Variants in AGPAT4 observed in about 807,000 individuals in gnomAD.
The protein encoded by AGPAT4 is 1-acyl-sn-glycerol-3-phosphate acyltransferase delta.
Under a neutral mutation model 48.0 loss-of-function variants are expected in AGPAT4, and 15 were observed. The ratio of observed to expected loss-of-function variants is 0.31; its 90% confidence interval spans 0.21 to 0.48. AGPAT4 has a LOEUF of 0.48. AGPAT4 is among the 20% of genes least tolerant of loss of function. The pLI is 0.99. For missense variants in AGPAT4, 314 were observed against 482.5 expected, an observed-to-expected ratio of 0.65 and a Z score of 3.27; for synonymous variants, 178 against 198.7, an observed-to-expected ratio of 0.90 and a Z score of 0.88.
rs112346731 is a variant in AGPAT4, at chr6:161,204,678, C to T, written c.178+27358G>A. Among the ~76,000 whole-genome samples the T allele has an allele frequency of 7.1e-4, 108 of 152,032 alleles. No homozygotes were observed. Among genetic ancestry groups the T allele is most frequent in the African/African-American group, 2.4e-3 (101 of 41,482 alleles). ...ATGTATGGTTGTTTGTCATCAGCAG[C>T]TGTTAAAAAAAAATGTTCCCTAAAT... On this transcript the variant is annotated intron_variant, in intron 2 of 8. Transcript: ENST00000320285. The surrounding 1 kb of genome is among the most constrained non-coding windows in gnomAD (Gnocchi z 4.4).
At position 161,159,551 on chromosome 6, in the gene AGPAT4, T is replaced by C. The variant is rs966422450; in HGVS notation, c.349-5241A>G. Among the ~76,000 whole-genome samples the C allele has an allele frequency of 1.3e-5, 2 of 152,324 alleles. No individual in the cohort carries two copies. Among genetic ancestry groups the C allele is most frequent in the South Asian group, 4.1e-4 (2 of 4,824 alleles). ...AATCTCTGAAATCTGTCCCTAGTTA[T>C]AGCAAAATGCAGAAAAGACTGGAGC... is the stretch of plus-strand genomic sequence containing the variant. On this transcript the variant is annotated intron_variant, in intron 3 of 8. Transcript: ENST00000320285. This position sits in a 1 kb window ranked among gnomAD's most constrained non-coding sequence, Gnocchi z 4.1.
rs936722523 is a variant in AGPAT4 at position 161,246,958 on chromosome 6, A to G, written c.-89-14656T>C. Among the ~76,000 whole-genome samples the G allele has an allele frequency of 1.3e-5, 2 of 152,266 alleles. No individual in the cohort carries two copies. Among genetic ancestry groups the G allele is most frequent in the Non-Finnish European group, 2.9e-5 (2 of 68,048 alleles). On this transcript the variant is annotated intron_variant, in intron 1 of 8. Transcript: ENST00000320285. This position sits in a 1 kb window ranked among gnomAD's most constrained non-coding sequence, Gnocchi z 5.5. The stretch of plus-strand genomic sequence containing the variant: ...CCCATTAACATTAAACACAGGGCAG[A>G]TGACACACCAAGTTATTCTCCCTGC...
intron 2 of AGPAT4, among the ~76,000 whole-genome samples, chr6:161,199,088 G>C (rs1186373558): frequency 3.3e-5 from 5 of 149,966 alleles, no homozygotes; most frequent in African/African-American, 1.2e-4. Flanking sequence ...TTCTAGTTTG[G>C]TAATTATAGA....
In AGPAT4 at chr6:161,220,621, G is replaced by A. The variant is rs906943446; in HGVS notation, c.178+11415C>T. ...AAGACAGAACCGAATATTGCAAAAT[G>A]GGTAGGCAATGCCCCCACCTGATTT... On this transcript the variant is annotated intron_variant, in intron 2 of 8. Transcript: ENST00000320285. The surrounding 1 kb of genome is among the most constrained non-coding windows in gnomAD (Gnocchi z 6.0). Among the ~76,000 whole-genome samples, 4 of 152,148 alleles carry A rather than the reference G, an allele frequency of 2.6e-5. No individual in the cohort carries two copies. The highest frequency in any genetic ancestry group is 9.7e-5 in the African/African-American group (4 of 41,442).
Position 161,130,961 on chromosome 6 carries a change from A to G in AGPAT4, c.*5579T>C, listed in dbSNP as rs1309956336. ...GTTTGGCAAAGATCTGGCTAAAACT[A>G]GTACTATGGAATAGAAAAGGAAAAG... On this transcript the variant is annotated 3_prime_UTR_variant, in exon 9 of 9. Transcript: ENST00000320285. The G allele has an allele frequency of 2.0e-6, 1 of 511,042 alleles. No individual in the cohort carries two copies. The allele number at this position is 511,042 out of a possible 1,614,324, so 31.7% of individuals were successfully genotyped here.
rs375079249 is a variant in AGPAT4, at chr6:161,205,562, G to A, written c.178+26474C>T. Among the ~76,000 whole-genome samples the A allele has an allele frequency of 2.6e-5, 4 of 152,170 alleles. No individual in the cohort carries two copies. In the South Asian group the frequency reaches 8.3e-4, roughly 32 times the overall value. On this transcript the variant is annotated intron_variant, in intron 2 of 8. Transcript: ENST00000320285. The stretch of plus-strand genomic sequence containing the variant: ...ATCCACTTACTTGGTTTCTACTCAG[G>A]ATGTCACCAATTACCATGGAACATC...
intron 5 of AGPAT4, among the ~76,000 whole-genome samples, chr6:161,150,994 CG>C (rs1444248600): frequency 6.6e-6 from 1 of 152,190 alleles, no homozygotes; most frequent in Non-Finnish European, 1.5e-5. Flanking sequence ...GGAGAACCCA[CG>C]GGTTCCCCAA....
chr6:161,175,129 C>T (rs1780392825), intron 2 of AGPAT4, among the ~76,000 whole-genome samples: 1 of 152,130 alleles, frequency 6.6e-6, no homozygotes, highest in Non-Finnish European at 1.5e-5. Context: ...TGTGTCTCTG[C>T]CAGGCTTTGG....
intron 3 of AGPAT4, among the ~76,000 whole-genome samples, chr6:161,163,795 C>T (rs1235023687): frequency 1.3e-5 from 2 of 152,156 alleles, no homozygotes; most frequent in African/African-American, 4.8e-5. Context: ...AACCCAAGGC[C>T]CCCACTGAGC....
At chr6:161,256,515 C>A (rs766179305) in intron 1 of AGPAT4, among the ~76,000 whole-genome samples, 6 of 152,228 alleles carry the variant, frequency 3.9e-5, no homozygotes, top group Non-Finnish European at 8.8e-5. Context: ...GCTGTGTTCA[C>A]ATGAAATGTG....
rs75228520 is a variant in AGPAT4 at position 161,219,876 on chromosome 6, C to T, written c.178+12160G>A. Among the ~76,000 whole-genome samples the T allele has an allele frequency of 0.23, 16,334 of 70,058 alleles. 1,376 individuals are homozygous for T. Among genetic ancestry groups the T allele is most frequent in the African/African-American group, 0.29 (5,560 of 19,414 alleles). The allele number at this position is 70,058 out of a possible 152,430, so 46.0% of individuals were successfully genotyped here. A position where few individuals can be genotyped will look rare whatever the true frequency, so the allele number is the denominator to read the frequency against. The stretch of plus-strand genomic sequence containing the variant: ...ATAGATAGATAGATAGATAGATAGG[C>T]AGGCAGGCAGGCAGGCAGGCAGGCA... On this transcript the variant is annotated intron_variant, in intron 2 of 8. Transcript: ENST00000320285. The surrounding 1 kb of genome is among the most constrained non-coding windows in gnomAD (Gnocchi z 4.9).
intron 3 of AGPAT4, among the ~76,000 whole-genome samples, chr6:161,157,896 G>A (rs2114970478): frequency 6.6e-6 from 1 of 152,250 alleles, no homozygotes; most frequent in South Asian, 2.1e-4. Context: ...CAATCCTTCT[G>A]AGCTTCTGTT....
chr6:161,163,404 T>C (rs539173209), intron 3 of AGPAT4, among the ~76,000 whole-genome samples: 2 of 152,316 alleles, frequency 1.3e-5, no homozygotes, highest in Admixed American at 1.3e-4. Context: ...GGTTGTTTTT[T>C]TTTTCTGAAG....
rs1201484587 is a variant in AGPAT4, at chr6:161,217,957, C to A, written c.178+14079G>T. On this transcript the variant is annotated intron_variant, in intron 2 of 8. Coordinates refer to ENST00000320285, the MANE Select transcript of AGPAT4 (RefSeq NM_020133.3). The surrounding 1 kb of genome is among the most constrained non-coding windows in gnomAD (Gnocchi z 4.9). Reference sequence around the variant, plus strand: ...ACTGGGTTGAAGGACAAGGTCTCTTCCTCATCTCCCAACTCACCTTGTAGC... The same window carrying A: ...ACTGGGTTGAAGGACAAGGTCTCTTACTCATCTCCCAACTCACCTTGTAGC... Among the ~76,000 whole-genome samples, 2 of 152,364 alleles carry A rather than the reference C, an allele frequency of 1.3e-5. No homozygotes were observed. The highest frequency in any genetic ancestry group is 3.9e-4 in the East Asian group (2 of 5,184).
intron 3 of AGPAT4, among the ~76,000 whole-genome samples, chr6:161,157,023 A>G (rs1409196304): frequency 6.6e-6 from 1 of 152,228 alleles, no homozygotes; most frequent in East Asian, 1.9e-4. Flanking sequence ...TCTCTGTTCA[A>G]GACTCTCAGC....
intron 1 of AGPAT4, among the ~76,000 whole-genome samples, chr6:161,248,768 G>A (rs1292698331): frequency 6.6e-6 from 1 of 152,072 alleles, no homozygotes; most frequent in Non-Finnish European, 1.5e-5. Flanking sequence ...CAGATTCAAT[G>A]CTATTCCTAT....
rs1345354616 is a variant in AGPAT4, at chr6:161,154,824, T to C, written c.349-514A>G. 6.6e-6 allele frequency among the ~76,000 whole-genome samples: 1 copy of C among 152,260 alleles called. No homozygotes were observed. Among genetic ancestry groups the C allele is most frequent in the East Asian group, 1.9e-4 (1 of 5,200 alleles). On this transcript the variant is annotated intron_variant, in intron 3 of 8. Coordinates refer to ENST00000320285, the MANE Select transcript of AGPAT4 (RefSeq NM_020133.3). This position sits in a 1 kb window ranked among gnomAD's most constrained non-coding sequence, Gnocchi z 7.8. ...CCTAGGTGTGAGGTTAACATCCTTC[T>C]TGAACAGTGGTTGGCCAAAGATTCA...
intron 3 of AGPAT4, among the ~76,000 whole-genome samples, chr6:161,162,398 C>T (rs1442157732): frequency 6.6e-6 from 1 of 152,202 alleles, no homozygotes; most frequent in Non-Finnish European, 1.5e-5. Context: ...CCCGGGCGCC[C>T]GCTCTCTCTC....
intron 2 of AGPAT4, among the ~76,000 whole-genome samples, chr6:161,228,237 C>T (rs949464662): frequency 1.3e-5 from 2 of 152,152 alleles, no homozygotes; most frequent in African/African-American, 4.8e-5. Context: ...TTCTGTGGCT[C>T]GCCAAAGGTG....
Sources: gnomAD v4.1 joint callset for allele counts (sites outside exome capture counted in the v4.1 genomes callset) on GRCh38, gnomAD v4.1.1 for gene constraint, Gnocchi (gnomAD v3.1) non-coding constraint, MANE v1.5 for transcripts, NCBI Gene and HGNC (gene_info 2026-07-23, HGNC 2026-07-21) for gene names.